AXIN1: variants seen among roughly 807,000 people sequenced by gnomAD.
The protein encoded by AXIN1 is axin-1.
In AXIN1, 30 loss-of-function variants were observed where a neutral mutation model predicts 76.4. That is an observed-to-expected ratio of 0.39 (90% confidence interval 0.29 to 0.53). The LOEUF (loss-of-function observed/expected upper bound fraction) is 0.53, where lower values mean the gene tolerates loss of function less well. AXIN1 is among the 20% of genes least tolerant of loss of function. AXIN1 has a pLI of 0.66. For synonymous variants in AXIN1, 545 were observed against 501.4 expected (o/e 1.09, Z -1.16); for missense variants, 1,140 against 1,198.8 (o/e 0.95, Z 0.72).
At chr16:305,872 T>G (rs2141555099) in intron 4 of AXIN1, among the ~76,000 whole-genome samples, 1 of 152,070 alleles carries the variant, frequency 6.6e-6, no homozygotes, top group East Asian at 1.9e-4. Context: ...AAAATAGAGA[T>G]GGGGGTCTTG....
chr16:297,225 C>G lies in AXIN1; in HGVS notation c.1786G>C (p.Gly596Arg). 1 of 1,605,676 alleles carries G rather than the reference C, an allele frequency of 6.2e-7. No homozygotes were observed. The highest frequency in any genetic ancestry group is 2.2e-5 in the East Asian group (1 of 44,874). The change falls in exon 7 of 11, where the codon GGG becomes CGG. Residue 596 changes from glycine (G) to arginine (R), a missense_variant and splice_region_variant. Around this residue, in one of 3 missense-constraint regions of AXIN1, gnomAD observed 429 missense variants for 405.8 expected, o/e 1.06. Coordinates refer to ENST00000262320, the MANE Select transcript of AXIN1 (RefSeq NM_003502.4). ...PNASDGLAHS[G>R]KVGVACKRNA... ...CTTTTGCACGCCACGCCCACCTTCCCACTGCAAGGGCAAGAGCTGCGAGTC... is the reference window on the plus strand; with the variant it reads ...CTTTTGCACGCCACGCCCACCTTCCGACTGCAAGGGCAAGAGCTGCGAGTC...
At chr16:290,258 C>T (rs538323582) in intron 9 of AXIN1, 1 of 161,248 alleles carries the variant, frequency 6.2e-6, no homozygotes, top group African/African-American at 2.4e-5. Context: ...CCCTGGCCCA[C>T]TGGGGTTCAG....
chr16:302,456 ACCCCTT>A (rs2052898440), intron 5 of AXIN1, among the ~76,000 whole-genome samples: 1 of 152,168 alleles, frequency 6.6e-6, no homozygotes, highest in Non-Finnish European at 1.5e-5. Flanking sequence ...TTCCACACAA[ACCCCTT>A]CATGGGGAGC....
At chr16:320,949 A>AG (rs1263664096) in intron 2 of AXIN1, among the ~76,000 whole-genome samples, 1 of 151,928 alleles carries the variant, frequency 6.6e-6, no homozygotes, top group Non-Finnish European at 1.5e-5. Context: ...CGTGTTGGTC[A>AG]GGCTGGTCTC....
Position 293,902 on chromosome 16 carries a change from G to A in AXIN1, c.1956-184C>T, listed in dbSNP as rs1167149213. ...CACACAATAAAAACATCCCGGCCAG[G>A]CATGGTGGCTCACACCTGTAATCCC... On this transcript the variant is annotated intron_variant, in intron 7 of 10. Transcript: ENST00000262320. The surrounding 1 kb of genome is among the most constrained non-coding windows in gnomAD (Gnocchi z 4.6). Among the ~76,000 whole-genome samples the A allele has an allele frequency of 6.6e-6, 1 of 152,212 alleles. No individual in the cohort carries two copies. The highest frequency in any genetic ancestry group is 1.5e-5 in the Non-Finnish European group (1 of 68,038).
chr16:319,015 G>A (rs2053377713), intron 2 of AXIN1, among the ~76,000 whole-genome samples: 1 of 152,138 alleles, frequency 6.6e-6, no homozygotes, highest in African/African-American at 2.4e-5. Context: ...GACTTGGTGA[G>A]AGCTGTGCCC....
At chr16:318,761 C>T (rs755050226) in intron 2 of AXIN1, among the ~76,000 whole-genome samples, 1 of 150,004 alleles carries the variant, frequency 6.7e-6, no homozygotes, top group Non-Finnish European at 1.5e-5. Context: ...CCTGTATGCC[C>T]GCCCTTCACG....
Position 303,985 on chromosome 16 carries a change from G to A in AXIN1, c.1254+319C>T, listed in dbSNP as rs554002033. Among the ~76,000 whole-genome samples the A allele has an allele frequency of 3.9e-5, 6 of 152,294 alleles. No individual in the cohort carries two copies. The South Asian group carries it at 8.3e-4, about 21-fold the overall frequency. On this transcript the variant is annotated intron_variant, in intron 5 of 10. Transcript: ENST00000262320. ...GGTGAAGAAGTTGAGATCACCCGCT[G>A]CAGTCTCAGCTTGTGGCCCTGCCAC...
chr16:322,118 G>A (rs2053472202), intron 2 of AXIN1, among the ~76,000 whole-genome samples: 2 of 152,226 alleles, frequency 1.3e-5, no homozygotes, highest in African/African-American at 2.4e-5. Flanking sequence ...GAAGCACAGA[G>A]AGCCCCGTCT....
intron 2 of AXIN1, among the ~76,000 whole-genome samples, chr16:330,642 G>A (rs1197761633): frequency 6.6e-6 from 1 of 152,154 alleles, no homozygotes; most frequent in Non-Finnish European, 1.5e-5. Flanking sequence ...CTGCACAAAT[G>A]GCTTCACATC....
At chr16:341,518 C>A (rs894481017) in intron 2 of AXIN1, among the ~76,000 whole-genome samples, 10 of 152,246 alleles carry the variant, frequency 6.6e-5, no homozygotes, top group Admixed American at 1.3e-4. Context: ...GGCTCGGGAG[C>A]TGCAGCCCGC....
intron 1 of AXIN1, among the ~76,000 whole-genome samples, chr16:351,517 G>A (rs1363513849): frequency 2.0e-5 from 3 of 152,064 alleles, no homozygotes; most frequent in South Asian, 2.1e-4. Flanking sequence ...GGCTGAGGCA[G>A]GAAAACTGCT....
chr16:325,106 G>A (rs554556587), intron 2 of AXIN1, among the ~76,000 whole-genome samples: 3 of 150,528 alleles, frequency 2.0e-5, no homozygotes, highest in South Asian at 2.1e-4. Flanking sequence ...CCTCAGCCCC[G>A]CGGGCGGCCC....
rs2141547328 is a variant in AXIN1 at position 304,435 on chromosome 16, A to C, written c.1123T>G (p.Tyr375Asp). The C allele has an allele frequency of 6.2e-7, 1 of 1,612,672 alleles. No homozygotes were observed. The change falls in exon 5 of 11, where the codon TAC (tyrosine) becomes GAC (aspartate). Residue 375 changes from tyrosine (Y) to aspartate (D), a missense_variant. Transcript: ENST00000262320. The part of the protein sequence containing the change: ...RVPLPHIPRT[Y>D]RVPKEVRVEP... ...ACGCGGACCTCCTTCGGCACCCGGT[A>C]CGTGCGCTGCGAGGGACAGGACTGT... is the stretch of plus-strand genomic sequence containing the variant.
At chr16:289,706 C>A (rs2052499133) in intron 9 of AXIN1, 99 bp from the exon 10 acceptor site, 2 of 1,498,278 alleles carry the variant, frequency 1.3e-6, no homozygotes, top group Admixed American at 1.9e-5. Flanking sequence ...CGGGGCAGGC[C>A]TGCAGGGGTG....
chr16:297,958 G>T lies in AXIN1; in HGVS notation c.1548C>A (p.His516Gln). ...LGGAASGHGKHVPKSGAKLDA... is the reference protein window; with the variant it reads ...LGGAASGHGKQVPKSGAKLDA... ...CCAGCTTCGCCCCTGACTTGGGTACGTGCTTCCCGTGCCCCGAGGCGGCAC... is the reference window on the plus strand; with the variant it reads ...CCAGCTTCGCCCCTGACTTGGGTACTTGCTTCCCGTGCCCCGAGGCGGCAC... Residue 516 changes from histidine (H) to glutamine (Q), a missense_variant, in exon 6 of 11, where the codon CAC (histidine) becomes CAA (glutamine). His to Gln is a conservative substitution (Grantham distance 24). Around this residue, in one of 3 missense-constraint regions of AXIN1, gnomAD observed 708 missense variants for 776.9 expected, o/e 0.91. Coordinates refer to ENST00000262320, the MANE Select transcript of AXIN1 (RefSeq NM_003502.4). 6.2e-7 allele frequency: 1 copy of T among 1,602,884 alleles called. No homozygotes were observed. Among genetic ancestry groups the T allele is most frequent in the Admixed American group, 1.7e-5 (1 of 59,830 alleles).
intron 2 of AXIN1, among the ~76,000 whole-genome samples, chr16:344,213 C>T (rs548398661): frequency 9.2e-5 from 14 of 151,632 alleles, no homozygotes; most frequent in Middle Eastern, 3.4e-3. Flanking sequence ...CAGGCGATCA[C>T]GAGGTCAGGA....
Position 293,657 on chromosome 16 carries a change from G to A in AXIN1, c.2017C>T (p.Pro673Ser), listed in dbSNP as rs2052630701. 6.2e-7 allele frequency: 1 copy of A among 1,613,720 alleles called. No homozygotes were observed. Among genetic ancestry groups the A allele is most frequent in the South Asian group, 1.1e-5 (1 of 91,072 alleles). The part of the protein sequence containing the change: ...ENSRPLSLEH[P>S]WAGPQLRTSV... ...GTCCGGAGCTGAGGGCCGGCCCAGG[G>A]GTGCTCAAGGGACAAGGGTCTGGAG... The change falls in exon 8 of 11, where the codon CCC (proline) becomes TCC (serine). Residue 673 changes from proline (P) to serine (S), a missense_variant. Pro to Ser is a moderately conservative substitution (Grantham distance 74). Around this residue, in one of 3 missense-constraint regions of AXIN1, gnomAD observed 429 missense variants for 405.8 expected, o/e 1.06. Coordinates refer to ENST00000262320, the MANE Select transcript of AXIN1 (RefSeq NM_003502.4). This position sits in a 1 kb window ranked among gnomAD's most constrained non-coding sequence, Gnocchi z 4.6.
chr16:300,208 C>CT (rs1304139713), intron 5 of AXIN1, among the ~76,000 whole-genome samples: 2 of 152,130 alleles, frequency 1.3e-5, no homozygotes, highest in Non-Finnish European at 2.9e-5. Flanking sequence ...TCCCAAAGTG[C>CT]TAGGATTACA....
Sources: allele counts gnomAD v4.1 joint callset (sites outside exome capture counted in the v4.1 genomes callset), GRCh38; gene constraint gnomAD v4.1.1; regional missense constraint gnomAD v4.1.1; non-coding constraint Gnocchi (gnomAD v3.1); transcripts MANE v1.5; gene names NCBI Gene and HGNC (gene_info 2026-07-23, HGNC 2026-07-21).